BMAL2: variants seen among roughly 807,000 people sequenced by gnomAD.
BMAL2 encodes basic helix-loop-helix ARNT like 2, also known as basic helix-loop-helix ARNT-like protein 2.
chr12:27,379,317 G>A, the BMAL2 span, among the ~76,000 whole-genome samples: 1 of 152,194 alleles, frequency 6.6e-6, no homozygotes, highest in Admixed American at 6.5e-5. Context: ...AGTTCCAAAG[G>A]TCAGGAACTG....
At chr12:27,401,290 A>G in the BMAL2 span, 1 of 1,614,142 alleles carries the variant, frequency 6.2e-7, no homozygotes, top group Non-Finnish European at 8.5e-7. Context: ...TGCCTCAGGA[A>G]CTTTTGGGAA....
At chr12:27,409,988 G>GA in the BMAL2 span, among the ~76,000 whole-genome samples, 1 of 152,032 alleles carries the variant, frequency 6.6e-6, no homozygotes, top group Non-Finnish European at 1.5e-5. Context: ...AAAGACACAT[G>GA]AAAAAATGCT....
chr12:27,397,414 G>A, the BMAL2 span, among the ~76,000 whole-genome samples: 4 of 152,208 alleles, frequency 2.6e-5, no homozygotes, highest in African/African-American at 9.7e-5. Context: ...ATGAAAGCCT[G>A]TGGTTAGTAA....
the BMAL2 span, among the ~76,000 whole-genome samples, chr12:27,376,948 C>A: frequency 2.1e-5 from 3 of 141,548 alleles, no homozygotes; most frequent in African/African-American, 8.0e-5. Context: ...TTGCAGTGAG[C>A]CGAAATCGCG....
the BMAL2 span, among the ~76,000 whole-genome samples, chr12:27,414,745 A>G: frequency 6.6e-6 from 1 of 152,320 alleles, no homozygotes; most frequent in Middle Eastern, 3.4e-3. Context: ...AGTACAAACT[A>G]AGTCCAAAGT....
At chr12:27,420,069 A>T in the BMAL2 span, among the ~76,000 whole-genome samples, 1 of 150,192 alleles carries the variant, frequency 6.7e-6, no homozygotes, top group African/African-American at 2.5e-5. Context: ...TAAATTTCCT[A>T]GCTTCCTTCC....
the BMAL2 span, among the ~76,000 whole-genome samples, chr12:27,404,525 A>G: frequency 6.6e-6 from 1 of 152,218 alleles, no homozygotes; most frequent in Non-Finnish European, 1.5e-5. Context: ...ATTTGGGGAA[A>G]AAATAAAGCT....
the BMAL2 span, chr12:27,418,157 C>A: frequency 6.2e-7 from 1 of 1,613,280 alleles, no homozygotes; most frequent in Non-Finnish European, 8.5e-7. Flanking sequence ...CAGGCAAAAC[C>A]AGAGTACTGT....
chr12:27,401,407 G>A, the BMAL2 span: 1 of 1,565,324 alleles, frequency 6.4e-7, no homozygotes, highest in Non-Finnish European at 8.8e-7. Flanking sequence ...AATTTAAAAT[G>A]ACAGTTTTAA....
At chr12:27,369,833 G>A in the BMAL2 span, among the ~76,000 whole-genome samples, 84,300 of 152,000 alleles carry the variant, frequency 0.55, 23,894 homozygotes, top group East Asian at 0.75. Flanking sequence ...AGAAACATGC[G>A]AAGTACTGAC....
chr12:27,381,253 A>G, the BMAL2 span, among the ~76,000 whole-genome samples: 1 of 152,176 alleles, frequency 6.6e-6, no homozygotes, highest in Admixed American at 6.5e-5. Context: ...ATTTTAAATC[A>G]AAGTGTAATA....
the BMAL2 span, among the ~76,000 whole-genome samples, chr12:27,367,014 C>T: frequency 6.6e-6 from 1 of 152,128 alleles, no homozygotes; most frequent in Non-Finnish European, 1.5e-5. Flanking sequence ...ATACCAAGCT[C>T]TACATTTATG....
chr12:27,403,227 G>A, the BMAL2 span, among the ~76,000 whole-genome samples: 2 of 152,148 alleles, frequency 1.3e-5, no homozygotes, highest in South Asian at 2.1e-4. Context: ...TGGAGTCAAG[G>A]GTTACTAGTC....
chr12:27,371,304 C>T, the BMAL2 span, among the ~76,000 whole-genome samples: 4 of 152,068 alleles, frequency 2.6e-5, no homozygotes, highest in Admixed American at 6.5e-5. Flanking sequence ...GCTATGGTCA[C>T]GCCACTGCAT....
At chr12:27,423,054 T>C in the BMAL2 span, 1 of 152,252 alleles carries the variant, frequency 6.6e-6, no homozygotes, top group South Asian at 2.1e-4. Context: ...TCTAATATTT[T>C]TCTGTAGATC....
At chr12:27,411,921 A>C in the BMAL2 span, among the ~76,000 whole-genome samples, 1 of 152,140 alleles carries the variant, frequency 6.6e-6, no homozygotes, top group African/African-American at 2.4e-5. Context: ...ATGGTTGCCA[A>C]ATCCAATGTC....
At chr12:27,393,057 T>G in the BMAL2 span, among the ~76,000 whole-genome samples, 1 of 152,108 alleles carries the variant, frequency 6.6e-6, no homozygotes, top group African/African-American at 2.4e-5. Context: ...CCAGTTTCAT[T>G]CTCTCTTCTG....
chr12:27,392,116 T>C, the BMAL2 span, among the ~76,000 whole-genome samples: 3 of 152,204 alleles, frequency 2.0e-5, no homozygotes, highest in African/African-American at 7.2e-5. Context: ...GAGTAGGTTC[T>C]AGAGCCAAAG....
chr12:27,335,004 C>T, the BMAL2 span, among the ~76,000 whole-genome samples: 3 of 152,204 alleles, frequency 2.0e-5, no homozygotes, highest in Non-Finnish European at 4.4e-5. Context: ...CTTGGTGGTG[C>T]TAATGAGCAA....
Sources: gnomAD v4.1 joint callset for allele counts (sites outside exome capture counted in the v4.1 genomes callset) on GRCh38, gnomAD v4.1.1 for gene constraint, MANE v1.5 for transcripts, NCBI Gene and HGNC (gene_info 2026-07-23, HGNC 2026-07-21) for gene names.